Variants in ACVR1B observed in about 807,000 individuals in gnomAD.
The protein encoded by ACVR1B is activin receptor type-1B.
A neutral mutation model predicts 55.6 loss-of-function variants in ACVR1B; 15 were observed. The observed-to-expected ratio is 0.27, with a 90% confidence interval of 0.18 to 0.42. The LOEUF (loss-of-function observed/expected upper bound fraction) is 0.42. Among genes scored for constraint, ACVR1B ranks in the 10% least tolerant of loss-of-function variants. The pLI, the probability that ACVR1B is intolerant of heterozygous loss-of-function variation, is 1.00. For synonymous variants in ACVR1B, 247 were observed against 254.6 expected (o/e 0.97, Z 0.28); for missense variants, 359 against 670.1 (o/e 0.54, Z 5.13).
At position 51,978,825 on chromosome 12, in the gene ACVR1B, G is replaced by A. The variant is rs368620778; in HGVS notation, c.581-2144G>A. Among the ~76,000 whole-genome samples the A allele has an allele frequency of 3.0e-4, 35 of 117,184 alleles. 1 individual carries two copies. The highest frequency in any genetic ancestry group is 5.5e-3 in the Middle Eastern group (1 of 182). 76.9% of individuals were successfully genotyped at this position (117,184 alleles called of 152,430 possible). A position where few individuals can be genotyped will look rare whatever the true frequency, so the allele number is the denominator to read the frequency against. On this transcript the variant is annotated intron_variant, in intron 3 of 8. Transcript: ENST00000257963. ...AGCCTGGGCAACAGAGCGAGACTCC[G>A]TCTCAAAAAAAAAAAAAAAAAAAAG... is the stretch of plus-strand genomic sequence containing the variant.
intron 1 of ACVR1B, 30 bp from the exon 2 acceptor site, chr12:51,975,235 T>C: frequency 6.3e-7 from 1 of 1,596,494 alleles, no homozygotes; most frequent in Non-Finnish European, 8.5e-7. Flanking sequence ...TCACCATTGA[T>C]GTCAATGTCT....
intron 1 of ACVR1B, among the ~76,000 whole-genome samples, chr12:51,967,369 GC>G (rs1941663475): frequency 6.6e-6 from 1 of 152,126 alleles, no homozygotes; most frequent in African/African-American, 2.4e-5. Flanking sequence ...GACCAGCCTG[GC>G]CAACGTGGTG....
intron 1 of ACVR1B, among the ~76,000 whole-genome samples, chr12:51,966,973 G>A (rs982434637): frequency 1.3e-5 from 2 of 152,150 alleles, no homozygotes; most frequent in Non-Finnish European, 2.9e-5. Context: ...GGGCGCAGTG[G>A]CTCATGCCTG....
chr12:51,962,400 A>G (rs1436860927), intron 1 of ACVR1B, among the ~76,000 whole-genome samples: 2 of 151,856 alleles, frequency 1.3e-5, no homozygotes, highest in East Asian at 1.9e-4. Context: ...CACCATTGGC[A>G]CCTGTAAAAT....
intron 1 of ACVR1B, among the ~76,000 whole-genome samples, chr12:51,971,611 T>C (rs1286454023): frequency 6.6e-6 from 1 of 152,242 alleles, no homozygotes; most frequent in Non-Finnish European, 1.5e-5. Context: ...TTGAATTTAG[T>C]GTGCGTGATT....
chr12:51,977,420 C>G (rs1941882400), intron 3 of ACVR1B, among the ~76,000 whole-genome samples: 1 of 152,120 alleles, frequency 6.6e-6, no homozygotes, highest in Non-Finnish European at 1.5e-5. Context: ...GCCTCAGCCT[C>G]CTGAGTAGCT....
intron 7 of ACVR1B, 89 bp downstream of exon 7, chr12:51,987,031 A>G (rs1565621620): frequency 1.3e-5 from 21 of 1,567,232 alleles, no homozygotes; most frequent in Non-Finnish European, 1.8e-5. Flanking sequence ...TCTTTTTACA[A>G]CCTGTTGGAT....
chr12:51,953,697 T>C (rs1941356350), intron 1 of ACVR1B, among the ~76,000 whole-genome samples: 5 of 152,112 alleles, frequency 3.3e-5, no homozygotes, highest in Admixed American at 3.3e-4. Context: ...CTGCCCCTAA[T>C]ATATCCAGGA....
At chr12:51,984,202 A>G in intron 5 of ACVR1B, 36 bp downstream of exon 5, 7 of 1,611,728 alleles carry the variant, frequency 4.3e-6, no homozygotes, top group Non-Finnish European at 5.1e-6. Context: ...GAAGTGGTGT[A>G]GGCATGAAAG....
intron 1 of ACVR1B, among the ~76,000 whole-genome samples, chr12:51,973,711 C>T (rs1243231702): frequency 1.3e-5 from 2 of 152,132 alleles, no homozygotes; most frequent in Admixed American, 6.5e-5. Flanking sequence ...ATAACACTAC[C>T]CAAACTCTGA....
intron 3 of ACVR1B, among the ~76,000 whole-genome samples, chr12:51,979,236 C>T (rs1302125244): frequency 4.0e-5 from 6 of 149,440 alleles, no homozygotes; most frequent in East Asian, 3.9e-4. Flanking sequence ...GAGGCCGAGG[C>T]GGGTAGATCA....
chr12:51,972,148 T>C (rs1362500913), intron 1 of ACVR1B, among the ~76,000 whole-genome samples: 1 of 152,170 alleles, frequency 6.6e-6, no homozygotes, highest in Non-Finnish European at 1.5e-5. Context: ...GGCACATGCT[T>C]GTAGTTCCAG....
At chr12:51,984,967 T>C (rs1942050398) in intron 5 of ACVR1B, among the ~76,000 whole-genome samples, 1 of 152,246 alleles carries the variant, frequency 6.6e-6, no homozygotes, top group Non-Finnish European at 1.5e-5. Flanking sequence ...GTAACTTAGC[T>C]ACATGAATGC....
chr12:51,972,109 C>T (rs913519210), intron 1 of ACVR1B, among the ~76,000 whole-genome samples: 5 of 152,182 alleles, frequency 3.3e-5, no homozygotes, highest in Admixed American at 1.3e-4. Flanking sequence ...TTGTTAAGTA[C>T]TTTAAAAAAT....
At chr12:51,964,801 A>T (rs909224890) in intron 1 of ACVR1B, among the ~76,000 whole-genome samples, 1 of 152,150 alleles carries the variant, frequency 6.6e-6, no homozygotes, top group Non-Finnish European at 1.5e-5. Context: ...TGGATTCTCA[A>T]TTCGGTTCTG....
chr12:51,993,867 A>G, intron 8 of ACVR1B, 118 bp from the exon 9 acceptor site: 1 of 1,157,498 alleles, frequency 8.6e-7, no homozygotes, highest in Non-Finnish European at 1.1e-6. Flanking sequence ...CGCCGGGTGG[A>G]TGTGGATCTG....
At chr12:51,987,097 A>G (rs1406180977) in intron 7 of ACVR1B, 155 bp downstream of exon 7, 1 of 1,000,096 alleles carries the variant, frequency 1.0e-6, no homozygotes, top group South Asian at 1.3e-5. Flanking sequence ...GTGTGGAGGT[A>G]GCTGTGCTTA....
intron 1 of ACVR1B, among the ~76,000 whole-genome samples, chr12:51,953,948 C>T (rs1010099058): frequency 2.0e-5 from 3 of 152,120 alleles, no homozygotes; most frequent in African/African-American, 7.2e-5. Flanking sequence ...TCTCCAGGGC[C>T]TTTAAACTTC....
At chr12:51,955,122 A>G (rs1413675313) in intron 1 of ACVR1B, among the ~76,000 whole-genome samples, 1 of 152,198 alleles carries the variant, frequency 6.6e-6, no homozygotes, top group Non-Finnish European at 1.5e-5. Context: ...AACTCTGGGT[A>G]TGTTTATGGC....
Sources: gnomAD v4.1 joint callset for allele counts (sites outside exome capture counted in the v4.1 genomes callset) on GRCh38, gnomAD v4.1.1 for gene constraint, MANE v1.5 for transcripts, NCBI Gene and HGNC (gene_info 2026-07-23, HGNC 2026-07-21) for gene names.